The following KCTD1 variants were observed in gnomAD, a reference collection of about 807,000 sequenced individuals.
KCTD1 encodes BTB/POZ domain-containing protein KCTD1.
Under a neutral mutation model 66.0 loss-of-function variants are expected in KCTD1, and 24 were observed. That is an observed-to-expected ratio of 0.36 (90% CI 0.26 to 0.51). The LOEUF (loss-of-function observed/expected upper bound fraction) is 0.51, where lower values mean the gene tolerates loss of function less well. Ranked by LOEUF, KCTD1 falls within the 20% of genes least tolerant of loss-of-function variation. The probability of loss-of-function intolerance (pLI) is 0.95; values close to 1 mark genes in which losing one functional copy is unlikely to be tolerated. For synonymous variants in KCTD1, 511 were observed against 517.2 expected (o/e 0.99, Z 0.16); for missense variants, 943 against 1,205.2 (o/e 0.78, Z 3.22).
chr18:26,512,481 G>A (rs551617909), intron 1 of KCTD1, among the ~76,000 whole-genome samples: 7 of 151,442 alleles, frequency 4.6e-5, no homozygotes, highest in Middle Eastern at 6.8e-3. Flanking sequence ...AGGTTTATAC[G>A]TACATGACTT....
At chr18:26,615,566 T>C (rs1215613730) in intron 1 of KCTD1, among the ~76,000 whole-genome samples, 3 of 152,174 alleles carry the variant, frequency 2.0e-5, no homozygotes, top group Non-Finnish European at 4.4e-5. Flanking sequence ...AAGAAATATC[T>C]GTTTTGGGTG....
rs375656003 is a variant in KCTD1 at position 26,459,235 on chromosome 18, G to C, written c.2439+385C>G. The C allele has an allele frequency of 1.1e-4, 20 of 178,586 alleles. No individual in the cohort carries two copies. The South Asian group carries it at 3.4e-3, about 30-fold the overall frequency. The allele number at this position is 178,586 out of a possible 1,614,324, so 11.1% of individuals were successfully genotyped here. A position where few individuals can be genotyped will look rare whatever the true frequency, so the allele number is the denominator to read the frequency against. On this transcript the variant is annotated intron_variant, in intron 4 of 4. Transcript: ENST00000580059. ...TTGCCTCCCACTCCACTCCCATAAT[G>C]CAGTTCCATGAACACAGAGCTGTCC...
Position 26,568,547 on chromosome 18 carries a change from C to G in KCTD1, c.-16+60600G>C, listed in dbSNP as rs190199001. On this transcript the variant is annotated intron_variant, in intron 1 of 4. Transcript: ENST00000317932. ...CCACCACACCCAGCCTCAGCTCATA[C>G]TTTTTAAATGATTTCTTTTCCTACA... 4.8e-3 allele frequency among the ~76,000 whole-genome samples: 727 copies of G among 152,084 alleles called. 5 individuals are homozygous for G. The highest frequency in any genetic ancestry group is 0.017 in the African/African-American group (696 of 41,484).
chr18:26,644,059 T>A (rs573110856), upstream of KCTD1, among the ~76,000 whole-genome samples: 1 of 152,204 alleles, frequency 6.6e-6, no homozygotes, highest in African/African-American at 2.4e-5. Flanking sequence ...CTGCTTTAAT[T>A]TTTTTGCATA....
chr18:26,459,996 G>A, intron 3 of KCTD1, 71 bp from the exon 4 acceptor site: 1 of 1,171,970 alleles, frequency 8.5e-7, no homozygotes, highest in Non-Finnish European at 1.2e-6. Context: ...ACATCTAAGA[G>A]GTGATTTTTT....
chr18:26,515,433 C>T (rs749002891), intron 1 of KCTD1, among the ~76,000 whole-genome samples: 8 of 151,982 alleles, frequency 5.3e-5, no homozygotes, highest in Non-Finnish European at 7.4e-5. Context: ...TTACATCCTC[C>T]TATCTTAGAT....
In KCTD1 at chr18:26,548,205, G is replaced by A; in HGVS notation, c.332C>T (p.Ala111Val). Reference protein sequence around the residue: ...WDEPLEPEDSAGEELEPEPVH... With the variant: ...WDEPLEPEDSVGEELEPEPVH... ...CGGCTCGGGCTCCAGCTCCTCCCCG[G>A]CCGAGTCCTCGGGCTCCAGGGGCTC... The change falls in exon 1 of 5, where the codon GCC (alanine) becomes GTC (valine). Residue 111 changes from alanine (A) to valine (V), a missense_variant. By Grantham distance (64) the Ala-to-Val change is moderately conservative. This residue lies in a region of KCTD1 where 236 missense variants were observed against 206.6 expected (regional missense o/e 1.14). Coordinates refer to ENST00000580059, the MANE Select transcript of KCTD1 (RefSeq NM_001142730.3). 3 of 1,506,296 alleles carry A rather than the reference G, an allele frequency of 2.0e-6. No homozygotes were observed. Among genetic ancestry groups the A allele is most frequent in the East Asian group, 2.6e-5 (1 of 38,604 alleles). 93.3% of individuals were successfully genotyped at this position (1,506,296 alleles called of 1,614,324 possible).
At chr18:26,463,967 G>A (rs911130704) in intron 3 of KCTD1, among the ~76,000 whole-genome samples, 3 of 152,194 alleles carry the variant, frequency 2.0e-5, no homozygotes, top group Admixed American at 1.3e-4. Flanking sequence ...AAACAGACAT[G>A]GGTGGTGGAC....
rs1491282134 is a variant in KCTD1, at chr18:26,455,111, A to AAAG, written c.*629_*631dup. 3 of 152,308 alleles carry AAAG rather than the reference A, an allele frequency of 2.0e-5. No homozygotes were observed. Among genetic ancestry groups the AAAG allele is most frequent in the South Asian group, 4.3e-4 (2 of 4,682 alleles). The allele number at this position is 152,308 out of a possible 1,614,324, so 9.4% of individuals were successfully genotyped here. A position where few individuals can be genotyped will look rare whatever the true frequency, so the allele number is the denominator to read the frequency against. On this transcript the variant is annotated 3_prime_UTR_variant, in exon 5 of 5. Transcript: ENST00000580059. The stretch of plus-strand genomic sequence containing the variant: ...TGGCAAAACTGATCAGTTTTAAAAC[A>AAAG]AAGTAAAGTTCACATCTGTGAGGTG...
At chr18:26,639,154 T>G (rs576953756) in intron 1 of KCTD1, among the ~76,000 whole-genome samples, 2 of 152,304 alleles carry the variant, frequency 1.3e-5, no homozygotes, top group East Asian at 3.9e-4. Context: ...GTCCAGGAGT[T>G]CCTAGTGTGA....
chr18:26,607,349 C>T (rs1987040233), intron 1 of KCTD1, among the ~76,000 whole-genome samples: 1 of 152,158 alleles, frequency 6.6e-6, no homozygotes, highest in Non-Finnish European at 1.5e-5. Context: ...TTTGACAAAC[C>T]TCACACCTCT....
rs1981359380 is a variant in KCTD1, at chr18:26,476,577, T to C, written c.2071A>G (p.Met691Val). The C allele has an allele frequency of 6.2e-7, 1 of 1,613,576 alleles. No individual in the cohort carries two copies. Among genetic ancestry groups the C allele is most frequent in the Non-Finnish European group, 8.5e-7 (1 of 1,179,600 alleles). ...AGAAAATTCAAGATATATCTGAACATCTGTCCATCTCTGTCAATGAAATAG... is the reference window on the plus strand; with the variant it reads ...AGAAAATTCAAGATATATCTGAACACCTGTCCATCTCTGTCAATGAAATAG... ...QHYFIDRDGQ[M>V]FRYILNFLRT... is the part of the protein sequence containing the mutation. Residue 691 changes from methionine (M) to valine (V), a missense_variant, in exon 3 of 5, where the codon ATG (methionine) becomes GTG (valine). Coordinates refer to ENST00000580059, the MANE Select transcript of KCTD1 (RefSeq NM_001142730.3). The surrounding 1 kb of genome is among the most constrained non-coding windows in gnomAD (Gnocchi z 4.9).
intron 2 of KCTD1, among the ~76,000 whole-genome samples, chr18:26,487,633 C>T (rs910322365): frequency 4.6e-5 from 7 of 152,194 alleles, no homozygotes; most frequent in African/African-American, 7.2e-5. Context: ...CCCAAGAAGG[C>T]GCTGACAGCA....
chr18:26,570,063 G>A (rs1382805608), intron 1 of KCTD1, among the ~76,000 whole-genome samples: 1 of 151,932 alleles, frequency 6.6e-6, no homozygotes, highest in South Asian at 2.1e-4. Flanking sequence ...GCACATGCCT[G>A]TAATCCCAGC....
At chr18:26,557,840 C>T (rs1985743946) in intron 1 of KCTD1, among the ~76,000 whole-genome samples, 1 of 152,228 alleles carries the variant, frequency 6.6e-6, no homozygotes, top group Non-Finnish European at 1.5e-5. Context: ...AGCCTGCATT[C>T]TTGAAGCTCT....
chr18:26,566,265 T>C (rs1369754821), intron 1 of KCTD1: 1 of 152,240 alleles, frequency 6.6e-6, no homozygotes, highest in African/African-American at 2.4e-5. Flanking sequence ...TCATGGTCTG[T>C]CCAAGGATCC....
chr18:26,485,482 A>G (rs1981868206), intron 2 of KCTD1, among the ~76,000 whole-genome samples: 1 of 152,228 alleles, frequency 6.6e-6, no homozygotes, highest in Non-Finnish European at 1.5e-5. Context: ...AAAATCCTGC[A>G]TGCATCTTGA....
chr18:26,498,390 G>A (rs1982587290), intron 2 of KCTD1, among the ~76,000 whole-genome samples: 1 of 150,734 alleles, frequency 6.6e-6, no homozygotes, highest in African/African-American at 2.4e-5. Context: ...TTAGTGAGAT[G>A]CTTTTATAAA....
intron 1 of KCTD1, among the ~76,000 whole-genome samples, chr18:26,615,835 G>T (rs532961417): frequency 1.3e-5 from 2 of 152,290 alleles, no homozygotes; most frequent in Non-Finnish European, 2.9e-5. Context: ...TTGTTGCCCA[G>T]GCTGGAGTTC....
Sources: allele counts gnomAD v4.1 joint callset (sites outside exome capture counted in the v4.1 genomes callset), GRCh38; gene constraint gnomAD v4.1.1; regional missense constraint gnomAD v4.1.1; non-coding constraint Gnocchi (gnomAD v3.1); transcripts MANE v1.5; gene names NCBI Gene and HGNC (gene_info 2026-07-23, HGNC 2026-07-21).